The following PITPNM3 variants were observed in gnomAD, a reference collection of about 807,000 sequenced individuals.
PITPNM3 encodes membrane-associated phosphatidylinositol transfer protein 3.
In PITPNM3, 26 loss-of-function variants were observed where a neutral mutation model predicts 102.0. That is an observed-to-expected ratio of 0.25 (90% CI 0.19 to 0.35). The LOEUF is 0.35. Ranked by LOEUF, PITPNM3 falls within the 10% of genes least tolerant of loss-of-function variation. The pLI is 1.00. For synonymous variants in PITPNM3, 578 were observed against 558.6 expected (o/e 1.03, Z -0.49); for missense variants, 1,083 against 1,346.1 (o/e 0.80, Z 3.06).
chr17:6,491,832 T>TAC lies in PITPNM3; in HGVS notation c.275-7541_275-7540insGT, dbSNP rs1906505093. On this transcript the variant is annotated intron_variant, in intron 4 of 19. Coordinates refer to ENST00000262483, the MANE Select transcript of PITPNM3 (RefSeq NM_031220.4). ...GGACAATGGAATATATATATATATA[T>TAC]ATATAATAAAGAATTAATTAAGAAT... Among the ~76,000 whole-genome samples, 2 of 109,248 alleles carry TAC rather than the reference T, an allele frequency of 1.8e-5. 1 individual carries two copies. The highest frequency in any genetic ancestry group is 6.8e-5 in the African/African-American group (2 of 29,310). The allele number at this position is 109,248 out of a possible 152,430, so 71.7% of individuals were successfully genotyped here. A position where few individuals can be genotyped will look rare whatever the true frequency, so the allele number is the denominator to read the frequency against.
chr17:6,478,215 T>C lies in PITPNM3; in HGVS notation c.778-118A>G. ...ATGAGAAACTCGTCCTTGGGAGGTG[T>C]TGAGAGAGCCCAACTGGGAAGCAGT... On this transcript the variant is annotated intron_variant, in intron 7 of 19. Coordinates refer to ENST00000262483, the MANE Select transcript of PITPNM3 (RefSeq NM_031220.4). The surrounding 1 kb of genome is among the most constrained non-coding windows in gnomAD (Gnocchi z 4.4). 1 of 1,522,830 alleles carries C rather than the reference T, an allele frequency of 6.6e-7. No individual in the cohort carries two copies. The highest frequency in any genetic ancestry group is 8.9e-7 in the Non-Finnish European group (1 of 1,125,852). The allele number at this position is 1,522,830 out of a possible 1,614,324, so 94.3% of individuals were successfully genotyped here. A position where few individuals can be genotyped will look rare whatever the true frequency, so the allele number is the denominator to read the frequency against.
chr17:6,549,244 C>T (rs1457616482), intron 1 of PITPNM3, among the ~76,000 whole-genome samples: 1 of 152,156 alleles, frequency 6.6e-6, no homozygotes, highest in Non-Finnish European at 1.5e-5. Flanking sequence ...CCCCATGGAG[C>T]CCCAAATTCA....
At position 6,538,062 on chromosome 17, in the gene PITPNM3, C is replaced by T. The variant is rs762873144; in HGVS notation, c.43G>A (p.Gly15Ser). The T allele has an allele frequency of 1.1e-5, 17 of 1,612,626 alleles. No homozygotes were observed. The highest frequency in any genetic ancestry group is 4.0e-5 in the African/African-American group (3 of 74,866). The change falls in exon 2 of 20, where the codon GGT (glycine) becomes AGT (serine). Residue 15 changes from glycine (G) to serine (S), a missense_variant. Coordinates refer to ENST00000262483, the MANE Select transcript of PITPNM3 (RefSeq NM_031220.4). ...GRAGGPPPGG[G>S]APWHLRNVLS... is the part of the protein sequence containing the mutation. ...ACATTTCGAAGGTGCCAGGGGGCACCGCCGCCCGGGGGAGGACCACCTGTT... is the reference window on the plus strand; with the variant it reads ...ACATTTCGAAGGTGCCAGGGGGCACTGCCGCCCGGGGGAGGACCACCTGTT...
intron 19 of PITPNM3, among the ~76,000 whole-genome samples, chr17:6,456,951 T>C (rs1263178425): frequency 6.6e-6 from 1 of 152,132 alleles, no homozygotes; most frequent in Non-Finnish European, 1.5e-5. Context: ...TTTCTTTCCT[T>C]CCTCTGAACC....
chr17:6,472,897 T>C lies in PITPNM3; in HGVS notation c.1259-70A>G, dbSNP rs1905131844. On this transcript the variant is annotated intron_variant, in intron 10 of 19. Coordinates refer to ENST00000262483, the MANE Select transcript of PITPNM3 (RefSeq NM_031220.4). The surrounding 1 kb of genome is among the most constrained non-coding windows in gnomAD (Gnocchi z 4.1). Reference sequence around the variant, plus strand: ...GCTCCCTGGGCCCTAGGAGGCTCCCTGGAATGCAGCCTGGAGTAGCCTACT... The same window carrying C: ...GCTCCCTGGGCCCTAGGAGGCTCCCCGGAATGCAGCCTGGAGTAGCCTACT... 1 of 1,565,492 alleles carries C rather than the reference T, an allele frequency of 6.4e-7. No individual in the cohort carries two copies. The highest frequency in any genetic ancestry group is 1.1e-5 in the South Asian group (1 of 87,720).
rs540477516 is a variant in PITPNM3 at position 6,553,812 on chromosome 17, G to A, written c.22+2573C>T. ...CCATCAGTCTGCCCATCCGAGGCAG[G>A]TGGTACTGAACAGCCACCCCGCTCT... On this transcript the variant is annotated intron_variant, in intron 1 of 19. Coordinates refer to ENST00000262483, the MANE Select transcript of PITPNM3 (RefSeq NM_031220.4). 7.2e-5 allele frequency among the ~76,000 whole-genome samples: 11 copies of A among 152,186 alleles called. No individual in the cohort carries two copies. In the South Asian group the frequency reaches 2.3e-3, roughly 32 times the overall value.
At position 6,472,853 on chromosome 17, in the gene PITPNM3, A is replaced by G. The variant is rs750305777; in HGVS notation, c.1259-26T>C. The G allele has an allele frequency of 6.2e-7, 1 of 1,613,116 alleles. No individual in the cohort carries two copies. Among genetic ancestry groups the G allele is most frequent in the African/African-American group, 1.3e-5 (1 of 75,004 alleles). On this transcript the variant is annotated intron_variant, in intron 10 of 19. Transcript: ENST00000262483. This position sits in a 1 kb window ranked among gnomAD's most constrained non-coding sequence, Gnocchi z 4.1. ...CTGGGGTGAGTGGGAAGACAGAGGG[A>G]AGCCACTTTCTAGTACCTGCTCCCT...
intron 2 of PITPNM3, among the ~76,000 whole-genome samples, chr17:6,530,594 G>A (rs1909091309): frequency 6.6e-6 from 1 of 152,192 alleles, no homozygotes; most frequent in South Asian, 2.1e-4. Flanking sequence ...AGCTCAGAGA[G>A]TTCCCTTAGC....
At position 6,457,073 on chromosome 17, in the gene PITPNM3, C is replaced by CA. The variant is rs981419704; in HGVS notation, c.2619+520_2619+521insT. Among the ~76,000 whole-genome samples the CA allele has an allele frequency of 4.2e-5, 4 of 94,218 alleles. No individual in the cohort carries two copies. Among genetic ancestry groups the CA allele is most frequent in the African/African-American group, 5.8e-5 (2 of 34,632 alleles). The allele number at this position is 94,218 out of a possible 152,430, so 61.8% of individuals were successfully genotyped here. A position where few individuals can be genotyped will look rare whatever the true frequency, so the allele number is the denominator to read the frequency against. On this transcript the variant is annotated intron_variant, in intron 19 of 19. Coordinates refer to ENST00000262483, the MANE Select transcript of PITPNM3 (RefSeq NM_031220.4). This position sits in a 1 kb window ranked among gnomAD's most constrained non-coding sequence, Gnocchi z 4.7. ...GGCCGCACTGACCGTTCTAGCCCCGCCCCCCCACCTCCCAGCTCACGTCCC... is the reference window on the plus strand; with the variant it reads ...GGCCGCACTGACCGTTCTAGCCCCGCACCCCCCACCTCCCAGCTCACGTCCC...
chr17:6,491,248 C>T (rs751847555), intron 4 of PITPNM3, among the ~76,000 whole-genome samples: 8 of 150,788 alleles, frequency 5.3e-5, no homozygotes, highest in Non-Finnish European at 1.0e-4. Context: ...ATGCCAAGGG[C>T]TTAGGGGCAT....
chr17:6,487,076 T>C (rs1906138810), intron 4 of PITPNM3, among the ~76,000 whole-genome samples: 1 of 152,108 alleles, frequency 6.6e-6, no homozygotes, highest in Non-Finnish European at 1.5e-5. Flanking sequence ...TCATGGTGTG[T>C]GCGGCTGTGT....
At chr17:6,476,177 G>A (rs1474755078) in intron 9 of PITPNM3, among the ~76,000 whole-genome samples, 1 of 151,904 alleles carries the variant, frequency 6.6e-6, no homozygotes, top group African/African-American at 2.4e-5. Flanking sequence ...AAAATAAAAC[G>A]ATCTTAAAAG....
At chr17:6,526,786 G>A (rs1384141203) in intron 2 of PITPNM3, among the ~76,000 whole-genome samples, 1 of 152,218 alleles carries the variant, frequency 6.6e-6, no homozygotes. Context: ...CAAGGAAACT[G>A]AGGCACAGAG....
intron 14 of PITPNM3, among the ~76,000 whole-genome samples, chr17:6,465,688 C>T (rs149815429): frequency 0.018 from 2,668 of 152,228 alleles, 94 homozygotes; most frequent in African/African-American, 0.06. Context: ...CAATCCTGGA[C>T]GCTGCGTCAT....
At chr17:6,547,321 C>T (rs889235890) in intron 1 of PITPNM3, among the ~76,000 whole-genome samples, 10 of 152,166 alleles carry the variant, frequency 6.6e-5, no homozygotes, top group South Asian at 2.1e-4. Context: ...CATTAATTAC[C>T]TTATTTAGGA....
Position 6,464,681 on chromosome 17 carries a change from C to T in PITPNM3, c.1981G>A (p.Asp661Asn), listed in dbSNP as rs765813418. ...LVGRFMYGPL[D>N]MVALTGEKVD... ...TTCTCTCCAGTCAGAGCCACCATGT[C>T]GAGGGGCCCGTACATGAACCGCCCC... Residue 661 changes from aspartate to asparagine, a missense_variant, in exon 15 of 20, where the codon GAC (aspartate) becomes AAC (asparagine). Physicochemically the swap from Asp to Asn is conservative, Grantham distance 23 (BLOSUM62 1). This residue lies in a region of PITPNM3 where 410 missense variants were observed against 638.4 expected (regional missense o/e 0.64). Coordinates refer to ENST00000262483, the MANE Select transcript of PITPNM3 (RefSeq NM_031220.4). The T allele has an allele frequency of 3.7e-6, 6 of 1,613,946 alleles. No homozygotes were observed. In the African/African-American group the frequency reaches 4.0e-5, roughly 11 times the overall value.
intron 1 of PITPNM3, among the ~76,000 whole-genome samples, chr17:6,551,281 C>T (rs183788021): frequency 5.1e-4 from 77 of 151,912 alleles, no homozygotes; most frequent in Non-Finnish European, 7.4e-4. Flanking sequence ...GGCGTGAACC[C>T]GGGAGGTGGA....
At chr17:6,507,522 A>G (rs1907602851) in intron 3 of PITPNM3, among the ~76,000 whole-genome samples, 1 of 152,066 alleles carries the variant, frequency 6.6e-6, no homozygotes, top group Admixed American at 6.5e-5. Context: ...AGGCAGGGGT[A>G]GCAGTGAGCC....
rs2150644336 is a variant in PITPNM3 at position 6,525,537 on chromosome 17, G to A, written c.119-74C>T. On this transcript the variant is annotated intron_variant, in intron 2 of 19. Coordinates refer to ENST00000262483, the MANE Select transcript of PITPNM3 (RefSeq NM_031220.4). ...GTAGCCCTATCAGGAGCTTATGTCT[G>A]AGGGACATTTTCTCTTGTCCTATTT... The A allele has an allele frequency of 2.8e-6, 3 of 1,090,132 alleles. No individual in the cohort carries two copies. The East Asian group carries it at 7.1e-5, about 26-fold the overall frequency. The allele number at this position is 1,090,132 out of a possible 1,614,324, so 67.5% of individuals were successfully genotyped here.
Sources: gnomAD v4.1 joint callset for allele counts (sites outside exome capture counted in the v4.1 genomes callset) on GRCh38, gnomAD v4.1.1 for gene constraint, gnomAD v4.1.1 regional missense constraint, Gnocchi (gnomAD v3.1) non-coding constraint, MANE v1.5 for transcripts, NCBI Gene and HGNC (gene_info 2026-07-23, HGNC 2026-07-21) for gene names.